The following GALNT13 variants were observed in gnomAD, a reference collection of about 807,000 sequenced individuals.
GALNT13 encodes polypeptide N-acetylgalactosaminyltransferase 13.
Under a neutral mutation model 64.2 loss-of-function variants are expected in GALNT13, and 28 were observed. The ratio of observed to expected loss-of-function variants is 0.44; its 90% CI spans 0.32 to 0.60. GALNT13 has a LOEUF of 0.60. Among genes scored for constraint, GALNT13 ranks in the 20% least tolerant of loss-of-function variants. GALNT13 has a pLI of 0.05. For synonymous variants in GALNT13, 214 were observed against 224.6 expected (o/e 0.95, Z 0.42); for missense variants, 577 against 669.8 (o/e 0.86, Z 1.53).
intron 4 of GALNT13, among the ~76,000 whole-genome samples, chr2:154,238,206 G>A (rs754686426): frequency 3.3e-5 from 5 of 151,616 alleles, no homozygotes; most frequent in Non-Finnish European, 7.4e-5. Context: ...CACTGTTTTA[G>A]ATTTCTTGAG....
intron 1 of GALNT13, among the ~76,000 whole-genome samples, chr2:153,894,985 A>G (rs2105277355): frequency 6.6e-6 from 1 of 152,234 alleles, no homozygotes; most frequent in East Asian, 1.9e-4. Context: ...TTTATTGGGG[A>G]CTTGTACTGA....
the GALNT13 span, among the ~76,000 whole-genome samples, chr2:153,469,559 A>T: frequency 6.6e-6 from 1 of 152,272 alleles, no homozygotes; most frequent in African/African-American, 2.4e-5. Flanking sequence ...TTCAATTTCC[A>T]TGCGCATGAG....
intron 3 of GALNT13, among the ~76,000 whole-genome samples, chr2:154,118,949 C>T (rs956097270): frequency 6.6e-6 from 1 of 151,986 alleles, no homozygotes; most frequent in African/African-American, 2.4e-5. Flanking sequence ...CATTTTAATG[C>T]CCATACTAGG....
At chr2:153,839,359 A>G in the GALNT13 span, among the ~76,000 whole-genome samples, 1 of 151,948 alleles carries the variant, frequency 6.6e-6, no homozygotes, top group East Asian at 1.9e-4. Context: ...AAAAGTATTC[A>G]GGTTTTCACT....
the GALNT13 span, among the ~76,000 whole-genome samples, chr2:153,697,540 A>G: frequency 5.9e-5 from 9 of 152,224 alleles, no homozygotes; most frequent in Non-Finnish European, 8.8e-5. Flanking sequence ...GTGAATATGT[A>G]AGAGAAAAAT....
chr2:153,683,262 G>C, the GALNT13 span, among the ~76,000 whole-genome samples: 1 of 151,654 alleles, frequency 6.6e-6, no homozygotes, highest in Non-Finnish European at 1.5e-5. Flanking sequence ...ACTTCATAAA[G>C]TGATTGGAAG....
the GALNT13 span, among the ~76,000 whole-genome samples, chr2:153,199,776 C>A: frequency 6.6e-6 from 1 of 152,172 alleles, no homozygotes; most frequent in Non-Finnish European, 1.5e-5. Context: ...CATTTTCCTG[C>A]ATACTATAAA....
chr2:153,555,055 A>G, the GALNT13 span, among the ~76,000 whole-genome samples: 2 of 152,168 alleles, frequency 1.3e-5, no homozygotes, highest in African/African-American at 4.8e-5. Context: ...TTAACTCTGT[A>G]GTACCTTTTA....
At chr2:153,873,181 C>T (rs941537456) in intron 1 of GALNT13, among the ~76,000 whole-genome samples, 1 of 152,166 alleles carries the variant, frequency 6.6e-6, no homozygotes, top group African/African-American at 2.4e-5. Context: ...TGGGTATCTC[C>T]AGGTGCAGAG....
At chr2:154,445,156 G>A (rs1260555298) in intron 12 of GALNT13, among the ~76,000 whole-genome samples, 1 of 151,648 alleles carries the variant, frequency 6.6e-6, no homozygotes, top group Non-Finnish European at 1.5e-5. Context: ...TTTTTCTTCT[G>A]GGCTATGGCT....
the GALNT13 span, among the ~76,000 whole-genome samples, chr2:153,431,071 A>G: frequency 6.6e-6 from 1 of 151,270 alleles, no homozygotes; most frequent in Non-Finnish European, 1.5e-5. Flanking sequence ...AATCACTTGA[A>G]CCTGGGAGGC....
At chr2:153,281,716 G>A in the GALNT13 span, among the ~76,000 whole-genome samples, 2 of 151,636 alleles carry the variant, frequency 1.3e-5, no homozygotes, top group Admixed American at 6.6e-5. Flanking sequence ...CGGAAAATAT[G>A]TCCCCAATCT....
chr2:154,380,861 C>T (rs1698236287), intron 9 of GALNT13, among the ~76,000 whole-genome samples: 1 of 151,978 alleles, frequency 6.6e-6, no homozygotes, highest in Non-Finnish European at 1.5e-5. Context: ...TTTTACATGT[C>T]AGAATTTAGT....
the GALNT13 span, among the ~76,000 whole-genome samples, chr2:153,561,701 G>A: frequency 6.7e-6 from 1 of 149,838 alleles, no homozygotes; most frequent in Admixed American, 6.7e-5. Context: ...GGTTAGGTAA[G>A]ACCTCCAATT....
intron 9 of GALNT13, among the ~76,000 whole-genome samples, chr2:154,334,663 C>G (rs1695344889): frequency 6.6e-6 from 1 of 151,938 alleles, no homozygotes; most frequent in Non-Finnish European, 1.5e-5. Flanking sequence ...GTTTCTAACG[C>G]CAGAATATTC....
At chr2:153,099,831 T>C in the GALNT13 span, among the ~76,000 whole-genome samples, 1 of 152,314 alleles carries the variant, frequency 6.6e-6, no homozygotes, top group East Asian at 1.9e-4. Context: ...TCTCACACAG[T>C]ATGCAGCAAG....
the GALNT13 span, among the ~76,000 whole-genome samples, chr2:153,535,193 G>C: frequency 6.6e-6 from 1 of 152,080 alleles, no homozygotes; most frequent in African/African-American, 2.4e-5. Context: ...TAGAATGATT[G>C]GTGACGGCCC....
At chr2:153,793,034 C>T in the GALNT13 span, among the ~76,000 whole-genome samples, 12,117 of 140,924 alleles carry the variant, frequency 0.086, 1,077 homozygotes, top group African/African-American at 0.23. Flanking sequence ...TGCAGTGGTG[C>T]GATCTCAGCT....
chr2:154,375,739 T>A (rs975422170), intron 9 of GALNT13, among the ~76,000 whole-genome samples: 1 of 152,190 alleles, frequency 6.6e-6, no homozygotes, highest in Non-Finnish European at 1.5e-5. Flanking sequence ...GTCTTTCTGA[T>A]ACGCTCTTAG....
Sources: gnomAD v4.1 joint callset for allele counts (sites outside exome capture counted in the v4.1 genomes callset) on GRCh38, gnomAD v4.1.1 for gene constraint, MANE v1.5 for transcripts, NCBI Gene and HGNC (gene_info 2026-07-23, HGNC 2026-07-21) for gene names.